OR4N5: variants seen among roughly 807,000 people sequenced by gnomAD.
OR4N5 encodes the protein olfactory receptor family 4 subfamily N member 5.
For synonymous variants in OR4N5, 155 were observed against 140.6 expected (o/e 1.10, Z -0.72); for missense variants, 428 against 370.0 (o/e 1.16, Z -1.29).
At chr14:20,140,057 G>C (rs924338518) in intron 1 of OR4N5, among the ~76,000 whole-genome samples, 4 of 152,108 alleles carry the variant, frequency 2.6e-5, no homozygotes, top group Admixed American at 2.0e-4. Flanking sequence ...AAGCACTTTA[G>C]GTCTGTAGAA....
chr14:20,144,267 T>C lies in OR4N5; in HGVS notation c.532T>C (p.Phe178Leu). The change falls in exon 3 of 3, where the codon TTC becomes CTC. Residue 178 changes from phenylalanine to leucine, a missense_variant. By Grantham distance (22) the Phe-to-Leu change is conservative. Coordinates refer to ENST00000641086, the MANE Select transcript of OR4N5 (RefSeq NM_001004724.2). ...FCGPNQLDNF[F>L]CDVPQVIKLA... ...TGGCCCAAACCAGCTCGATAACTTC[T>C]TCTGTGATGTTCCACAGGTCATCAA... is the stretch of plus-strand genomic sequence containing the variant. 2.5e-6 allele frequency: 4 copies of C among 1,614,122 alleles called. No homozygotes were observed. Among genetic ancestry groups the C allele is most frequent in the Non-Finnish European group, 2.5e-6 (3 of 1,180,012 alleles).
chr14:20,141,492 G>A (rs1365773539), intron 2 of OR4N5, among the ~76,000 whole-genome samples: 1 of 152,102 alleles, frequency 6.6e-6, no homozygotes, highest in East Asian at 1.9e-4. Context: ...GCTAGTTAAC[G>A]AATGTTACTA....
intron 1 of OR4N5, among the ~76,000 whole-genome samples, chr14:20,139,608 T>C (rs1878576576): frequency 6.6e-6 from 1 of 152,140 alleles, no homozygotes; most frequent in Non-Finnish European, 1.5e-5. Context: ...ATGGTATCCA[T>C]TTTTTGCTAG....
rs578013217 is a variant in OR4N5 at position 20,145,113 on chromosome 14, G to A, written c.*451G>A. On this transcript the variant is annotated 3_prime_UTR_variant, in exon 3 of 3. Coordinates refer to ENST00000641086, the MANE Select transcript of OR4N5 (RefSeq NM_001004724.2). ...GGGGACAGAAATTCTAGGCAAAAAG[G>A]CTGACTAGTACAAGAATCCAAAGAT... is the stretch of plus-strand genomic sequence containing the variant. The A allele has an allele frequency of 6.3e-6, 1 of 158,136 alleles. No individual in the cohort carries two copies. The highest frequency in any genetic ancestry group is 1.4e-5 in the Non-Finnish European group (1 of 72,114). 9.8% of individuals were successfully genotyped at this position (158,136 alleles called of 1,614,324 possible).
intron 1 of OR4N5, among the ~76,000 whole-genome samples, chr14:20,139,784 C>G (rs902885833): frequency 2.0e-5 from 3 of 152,096 alleles, no homozygotes; most frequent in Non-Finnish European, 4.4e-5. Flanking sequence ...AATTAAATGA[C>G]TTGCCTAAGG....
rs1487196526 is a variant in OR4N5, at chr14:20,144,459, A to AC, written c.727dup (p.His243ProfsTer26). 3 of 1,613,874 alleles carry AC rather than the reference A, an allele frequency of 1.9e-6. No individual in the cohort carries two copies. Among genetic ancestry groups the AC allele is most frequent in the Non-Finnish European group, 2.5e-6 (3 of 1,179,914 alleles). On this transcript the variant is annotated frameshift_variant, in exon 3 of 3. Coordinates refer to ENST00000641086, the MANE Select transcript of OR4N5 (RefSeq NM_001004724.2). LOFTEE classifies it low-confidence loss of function (END_TRUNC). ...GAGCAAGGCTATTTCCACATGCACCACCCATATTATCATTATATTTCTCAT... is the reference window on the plus strand; with the variant it reads ...GAGCAAGGCTATTTCCACATGCACCACCCCATATTATCATTATATTTCTCAT...
At chr14:20,140,170 G>A (rs17242467) in intron 1 of OR4N5, among the ~76,000 whole-genome samples, 17,563 of 152,124 alleles carry the variant, frequency 0.12, 1,446 homozygotes, top group East Asian at 0.4. Context: ...TAAAGGGTAG[G>A]CATTGAATAT....
Position 20,144,437 on chromosome 14 carries a change from C to A in OR4N5, c.702C>A (p.Ser234Arg). 6.2e-7 allele frequency: 1 copy of A among 1,613,968 alleles called. No individual in the cohort carries two copies. Among genetic ancestry groups the A allele is most frequent in the South Asian group, 1.1e-5 (1 of 91,074 alleles). ...GGGAGCACTCCTCTGAAGGAAAGAG[C>A]AAGGCTATTTCCACATGCACCACCC... ...RIREHSSEGK[S>R]KAISTCTTHI... Residue 234 changes from serine (S) to arginine (R), a missense_variant, in exon 3 of 3, where the codon AGC becomes AGA. Physicochemically the swap from Ser to Arg is moderately radical, Grantham distance 110 (BLOSUM62 -1). Transcript: ENST00000641086.
In OR4N5 at chr14:20,143,756, A is replaced by C. The variant is rs767828322; in HGVS notation, c.21A>C (p.Thr7=). The change falls in exon 3 of 3, where the codon ACA becomes ACC. Residue 7 remains threonine (T), a synonymous_variant. Transcript: ENST00000641086. METQNL[T]VVTEFILLGL... The stretch of plus-strand genomic sequence containing the variant: ...AAATTATGGAAACACAGAACCTCAC[A>C]GTGGTGACAGAATTCATTCTTCTTG... The C allele has an allele frequency of 2.5e-6, 4 of 1,611,042 alleles. No individual in the cohort carries two copies. The highest frequency in any genetic ancestry group is 2.2e-5 in the East Asian group (1 of 44,872).
intron 1 of OR4N5, 41 bp downstream of exon 1, chr14:20,138,931 GAAAAAGAAAA>G (rs940923540): frequency 4.4e-5 from 6 of 135,158 alleles, no homozygotes; most frequent in African/African-American, 1.7e-4. Flanking sequence ...ATTAAATAGA[GAAAAAGAAAA>G]AAAAAGAAAA....
chr14:20,142,402 TA>T (rs1162487253), intron 2 of OR4N5, among the ~76,000 whole-genome samples: 1 of 152,200 alleles, frequency 6.6e-6, no homozygotes, highest in Non-Finnish European at 1.5e-5. Flanking sequence ...GTGCTGGGAT[TA>T]CAGGTGTGAA....
rs1431363289 is a variant in OR4N5, at chr14:20,138,828, TC to T, written c.-440del. The T allele has an allele frequency of 1.3e-5, 2 of 151,986 alleles. No homozygotes were observed. The highest frequency in any genetic ancestry group is 2.4e-5 in the African/African-American group (1 of 41,410). 9.4% of individuals were successfully genotyped at this position (151,986 alleles called of 1,614,324 possible). On this transcript the variant is annotated 5_prime_UTR_variant, in exon 1 of 3. Transcript: ENST00000641086. Reference sequence around the variant, plus strand: ...CAAATTCTGAAATAATTAGCTAATCTCCCTTTTATCAGACAGAAAAGAATAG... The same window carrying T: ...CAAATTCTGAAATAATTAGCTAATCTCCTTTTATCAGACAGAAAAGAATAG...
rs772563958 is a variant in OR4N5, at chr14:20,144,317, G to C, written c.582G>C (p.Val194=). The C allele has an allele frequency of 6.2e-7, 1 of 1,613,968 alleles. No homozygotes were observed. Among genetic ancestry groups the C allele is most frequent in the Admixed American group, 1.7e-5 (1 of 59,978 alleles). ...VIKLACTNTF[V]VELLMVSNSG... ...AGCTGGCCTGCACCAATACCTTTGT[G>C]GTGGAGCTTCTGATGGTCTCCAACA... Residue 194 remains valine, a synonymous_variant, in exon 3 of 3, where the codon GTG becomes GTC. Coordinates refer to ENST00000641086, the MANE Select transcript of OR4N5 (RefSeq NM_001004724.2).
At chr14:20,143,592 G>A (rs1017293776) in intron 2 of OR4N5, 133 bp from the exon 3 acceptor site, 3 of 644,212 alleles carry the variant, frequency 4.7e-6, no homozygotes, top group Non-Finnish European at 8.2e-6. Flanking sequence ...GTTAACTCAG[G>A]ATACAAGACA....
rs201467097 is a variant in OR4N5, at chr14:20,144,005, G to C, written c.270G>C (p.Lys90Asn). 137 of 1,614,088 alleles carry C rather than the reference G, an allele frequency of 8.5e-5. No homozygotes were observed. The East Asian group carries it at 2.9e-3, about 34-fold the overall frequency. ...RMLVDFLSEK[K>N]VISYRSCITQ... is the part of the protein sequence containing the mutation. The stretch of plus-strand genomic sequence containing the variant: ...TGGTGGACTTCCTCTCTGAGAAGAA[G>C]GTAATCTCCTATAGAAGCTGCATCA... The change falls in exon 3 of 3, where the codon AAG becomes AAC. Residue 90 changes from lysine (K) to asparagine (N), a missense_variant. Coordinates refer to ENST00000641086, the MANE Select transcript of OR4N5 (RefSeq NM_001004724.2).
intron 2 of OR4N5, among the ~76,000 whole-genome samples, chr14:20,142,880 C>T (rs759066216): frequency 2.0e-5 from 3 of 151,936 alleles, no homozygotes; most frequent in African/African-American, 4.8e-5. Flanking sequence ...TTTTATTAGC[C>T]GAGATAGTCA....
chr14:20,143,852 C>T lies in OR4N5; in HGVS notation c.117C>T (p.Leu39=). The T allele has an allele frequency of 6.2e-7, 1 of 1,614,004 alleles. No individual in the cohort carries two copies. The highest frequency in any genetic ancestry group is 8.5e-7 in the Non-Finnish European group (1 of 1,179,956). The change falls in exon 3 of 3, where the codon CTC becomes CTT. Residue 39 remains leucine (L), a synonymous_variant. Transcript: ENST00000641086. Reference sequence around the variant, plus strand: ...TCTTAATTTTCTACCTTATCATCCTCCCTGGAAATTTCCTCATCATTTTCA... The same window carrying T: ...TCTTAATTTTCTACCTTATCATCCTTCCTGGAAATTTCCTCATCATTTTCA... ...VLVLIFYLII[L]PGNFLIIFTI...
intron 2 of OR4N5, among the ~76,000 whole-genome samples, chr14:20,142,135 T>TA (rs1453548843): frequency 6.2e-4 from 93 of 150,936 alleles, no homozygotes; most frequent in East Asian, 1.2e-3. Flanking sequence ...TATATATATA[T>TA]TTTTTTTTGA....
intron 2 of OR4N5, among the ~76,000 whole-genome samples, chr14:20,141,835 T>C (rs1305138659): frequency 6.6e-6 from 1 of 152,214 alleles, no homozygotes; most frequent in East Asian, 1.9e-4. Flanking sequence ...TTTACAGAGT[T>C]TGTGCAAGCA....
Sources: gnomAD v4.1 joint callset for allele counts (sites outside exome capture counted in the v4.1 genomes callset) on GRCh38, gnomAD v4.1.1 for gene constraint, MANE v1.5 for transcripts, NCBI Gene and HGNC (gene_info 2026-07-23, HGNC 2026-07-21) for gene names.